Variants in FGF10 observed in about 807,000 individuals in gnomAD.
FGF10 encodes fibroblast growth factor 10, also known as FGF-10.
FGF10 carries 2 observed loss-of-function variants against 19.8 expected under a neutral mutation model. That is an observed-to-expected ratio of 0.10 (90% CI 0.04 to 0.32). The LOEUF (loss-of-function observed/expected upper bound fraction) is 0.32, where lower values mean the gene tolerates loss of function less well. FGF10 is among the 10% of genes least tolerant of loss of function. The pLI is 1.00. For missense variants in FGF10, 191 were observed against 246.3 expected (o/e 0.78, Z 1.50); for synonymous variants, 112 against 94.0 (o/e 1.19, Z -1.10).
At chr5:44,307,449 C>T (rs1740104909) in intron 2 of FGF10, among the ~76,000 whole-genome samples, 1 of 152,008 alleles carries the variant, frequency 6.6e-6, no homozygotes, top group South Asian at 2.1e-4. Flanking sequence ...CAGTTTTATA[C>T]TTTATTTACT....
chr5:44,348,149 G>A (rs1741129657), intron 1 of FGF10, among the ~76,000 whole-genome samples: 1 of 151,626 alleles, frequency 6.6e-6, no homozygotes, highest in Non-Finnish European at 1.5e-5. Context: ...AGTTAATAAG[G>A]CACAAGTAGA....
At chr5:44,324,316 G>A (rs1740562616) in intron 1 of FGF10, among the ~76,000 whole-genome samples, 1 of 152,036 alleles carries the variant, frequency 6.6e-6, no homozygotes, top group South Asian at 2.1e-4. Context: ...ATATATCCAA[G>A]CCATGTTAAC....
At chr5:44,371,707 T>A (rs909590098) in intron 1 of FGF10, among the ~76,000 whole-genome samples, 1 of 152,184 alleles carries the variant, frequency 6.6e-6, no homozygotes, top group African/African-American at 2.4e-5. Context: ...AAATAAACTA[T>A]ATTTTAAAAT....
intron 1 of FGF10, among the ~76,000 whole-genome samples, chr5:44,330,949 A>G (rs1447724358): frequency 1.3e-5 from 2 of 152,182 alleles, no homozygotes; most frequent in Non-Finnish European, 2.9e-5. Context: ...TCTCACAAAC[A>G]GTAATTTGCA....
intron 1 of FGF10, among the ~76,000 whole-genome samples, chr5:44,363,895 A>C (rs902385693): frequency 5.3e-5 from 8 of 151,976 alleles, no homozygotes; most frequent in Admixed American, 3.3e-4. Flanking sequence ...CACAAATAAG[A>C]TAGCCCTGGA....
At chr5:44,346,923 C>A (rs10069234) in intron 1 of FGF10, among the ~76,000 whole-genome samples, 18,106 of 151,674 alleles carry the variant, frequency 0.12, 2,671 homozygotes, top group African/African-American at 0.34. Flanking sequence ...GCAGTTCTAG[C>A]ACAGCATCTT....
chr5:44,378,121 T>C (rs1451496769), intron 1 of FGF10, among the ~76,000 whole-genome samples: 1 of 152,196 alleles, frequency 6.6e-6, no homozygotes, highest in Non-Finnish European at 1.5e-5. Flanking sequence ...ATCACCAGAA[T>C]ACCTGTATCA....
intron 1 of FGF10, among the ~76,000 whole-genome samples, chr5:44,353,260 A>G (rs1348430063): frequency 1.3e-5 from 2 of 151,650 alleles, no homozygotes; most frequent in African/African-American, 4.8e-5. Flanking sequence ...TTTATCGTCT[A>G]AATGACCTGT....
chr5:44,313,594 T>C (rs1464122851), intron 1 of FGF10, among the ~76,000 whole-genome samples: 1 of 151,758 alleles, frequency 6.6e-6, no homozygotes, highest in Non-Finnish European at 1.5e-5. Context: ...AAAGGTTTTT[T>C]TTTTTTTAAC....
intron 1 of FGF10, among the ~76,000 whole-genome samples, chr5:44,331,537 T>C (rs1740736103): frequency 6.6e-6 from 1 of 152,156 alleles, no homozygotes; most frequent in African/African-American, 2.4e-5. Context: ...AGCATTGACA[T>C]TTAAAACATT....
intron 1 of FGF10, among the ~76,000 whole-genome samples, chr5:44,332,968 G>A (rs1484536127): frequency 1.3e-5 from 2 of 152,048 alleles, no homozygotes; most frequent in African/African-American, 2.4e-5. Context: ...AAACTACATA[G>A]TTCTTGATCA....
intron 1 of FGF10, among the ~76,000 whole-genome samples, chr5:44,349,451 T>TATCAGAATATATATATATATCAGA (rs1554038147): frequency 1.2e-4 from 2 of 16,706 alleles, no homozygotes; most frequent in Non-Finnish European, 1.6e-4. Flanking sequence ...TATATATATA[T>TATCAGAATATATATATATATCAGA]ATATATATAT....
At chr5:44,373,281 G>A (rs1741783224) in intron 1 of FGF10, among the ~76,000 whole-genome samples, 1 of 152,108 alleles carries the variant, frequency 6.6e-6, no homozygotes, top group Non-Finnish European at 1.5e-5. Context: ...ACTATCATAA[G>A]GTTGTCTAGT....
At chr5:44,327,820 C>G (rs987231084) in intron 1 of FGF10, among the ~76,000 whole-genome samples, 1 of 152,210 alleles carries the variant, frequency 6.6e-6, no homozygotes, top group Admixed American at 6.5e-5. Flanking sequence ...CACCCTTCCT[C>G]TTTCATCATC....
chr5:44,379,040 C>T (rs113213788), intron 1 of FGF10, among the ~76,000 whole-genome samples: 304 of 152,254 alleles, frequency 2.0e-3, no homozygotes, highest in African/African-American at 7.2e-3. Flanking sequence ...CTTTGCAGTT[C>T]CCTTCTCACC....
At chr5:44,362,927 T>C (rs183902794) in intron 1 of FGF10, among the ~76,000 whole-genome samples, 1 of 151,804 alleles carries the variant, frequency 6.6e-6, no homozygotes, top group East Asian at 1.9e-4. Flanking sequence ...TATGCGTCTG[T>C]CTCTGGTTTT....
At chr5:44,352,241 A>C (rs1489675337) in intron 1 of FGF10, among the ~76,000 whole-genome samples, 1 of 151,570 alleles carries the variant, frequency 6.6e-6, no homozygotes, top group Non-Finnish European at 1.5e-5. Flanking sequence ...CAATTCTTTG[A>C]TTGAAATCTT....
At chr5:44,370,917 G>C (rs1164894755) in intron 1 of FGF10, among the ~76,000 whole-genome samples, 1 of 152,142 alleles carries the variant, frequency 6.6e-6, no homozygotes, top group African/African-American at 2.4e-5. Context: ...CACATAGTGA[G>C]AGAAGATAGA....
intron 1 of FGF10, among the ~76,000 whole-genome samples, chr5:44,328,561 C>A (rs1740663934): frequency 1.3e-5 from 2 of 152,254 alleles, no homozygotes; most frequent in South Asian, 4.2e-4. Context: ...AATTTGAGAG[C>A]AGCCTGGGCA....
Sources: gnomAD v4.1 joint callset for allele counts (sites outside exome capture counted in the v4.1 genomes callset) on GRCh38, gnomAD v4.1.1 for gene constraint, MANE v1.5 for transcripts, NCBI Gene and HGNC (gene_info 2026-07-23, HGNC 2026-07-21) for gene names.